OSBPL10: variants seen among roughly 807,000 people sequenced by gnomAD.
OSBPL10 encodes oxysterol-binding protein-related protein 10.
Under a neutral mutation model 81.7 loss-of-function variants are expected in OSBPL10, and 49 were observed. The ratio of observed to expected loss-of-function variants is 0.60; its 90% CI spans 0.48 to 0.76. The LOEUF is 0.76. Ranked by LOEUF, OSBPL10 falls within the 30% of genes least tolerant of loss-of-function variation. OSBPL10 has a pLI of 0.00. For synonymous variants in OSBPL10, 419 were observed against 383.6 expected, an observed-to-expected ratio of 1.09 and a Z score of -1.08; for missense variants, 923 against 987.8, an observed-to-expected ratio of 0.93 and a Z score of 0.88.
At chr3:31,774,090 A>T (rs1698468585) in intron 4 of OSBPL10, among the ~76,000 whole-genome samples, 1 of 148,860 alleles carries the variant, frequency 6.7e-6, no homozygotes, top group Non-Finnish European at 1.5e-5. Flanking sequence ...TGAACCTGGG[A>T]GGCGGAGGTT....
intron 4 of OSBPL10, among the ~76,000 whole-genome samples, chr3:31,801,829 T>TG (rs1699388673): frequency 1.6e-5 from 2 of 127,822 alleles, no homozygotes; most frequent in African/African-American, 8.8e-5. Context: ...TTTTTTGTTG[T>TG]TTTTTTTTTT....
chr3:31,973,567 C>G (rs1339105103), intron 1 of OSBPL10, among the ~76,000 whole-genome samples: 2 of 152,172 alleles, frequency 1.3e-5, no homozygotes, highest in African/African-American at 4.8e-5. Context: ...GTCATTTGGC[C>G]AAAAGGAGAC....
intron 3 of OSBPL10, among the ~76,000 whole-genome samples, chr3:31,854,761 A>C (rs72850562): frequency 0.016 from 2,416 of 152,284 alleles, 52 homozygotes; most frequent in African/African-American, 0.055. Context: ...TAAACACATA[A>C]ACACACATAA....
chr3:31,954,003 C>T (rs1279541890), intron 1 of OSBPL10, among the ~76,000 whole-genome samples: 2 of 152,222 alleles, frequency 1.3e-5, no homozygotes, highest in Admixed American at 6.5e-5. Context: ...TTGTTTCCAG[C>T]TCCAGTTGTT....
chr3:31,808,893 C>T (rs1164212147), intron 4 of OSBPL10, among the ~76,000 whole-genome samples: 6 of 152,206 alleles, frequency 3.9e-5, no homozygotes, highest in Non-Finnish European at 8.8e-5. Flanking sequence ...GAATATCATA[C>T]ACATGCAATA....
At chr3:31,681,271 C>T (rs77444181) in intron 8 of OSBPL10, among the ~76,000 whole-genome samples, 6,427 of 152,268 alleles carry the variant, frequency 0.042, 341 homozygotes, top group East Asian at 0.3. Context: ...AGGCCCAACA[C>T]GAATGCTGAG....
At chr3:31,750,346 G>A (rs1697672943) in intron 4 of OSBPL10, among the ~76,000 whole-genome samples, 1 of 152,132 alleles carries the variant, frequency 6.6e-6, no homozygotes, top group Non-Finnish European at 1.5e-5. Context: ...CATTATCTGT[G>A]TTGTCTGCTG....
chr3:31,712,909 C>T (rs1050146693), intron 6 of OSBPL10, among the ~76,000 whole-genome samples: 12 of 133,798 alleles, frequency 9.0e-5, no homozygotes, highest in African/African-American at 3.0e-4. Context: ...TGGCACCATC[C>T]TTGACTTTAA....
upstream of OSBPL10, among the ~76,000 whole-genome samples, chr3:31,984,026 TTTTTTGTTTTTG>T (rs369416472): frequency 6.0e-3 from 909 of 151,916 alleles, 2 homozygotes; most frequent in Non-Finnish European, 0.01. Context: ...CTAAGGGGTT[TTTTTTGTTTTTG>T]TTTTTGTTTT....
At chr3:32,001,966 A>C (rs1435682327) in intron 2 of OSBPL10, among the ~76,000 whole-genome samples, 1 of 152,206 alleles carries the variant, frequency 6.6e-6, no homozygotes, top group Non-Finnish European at 1.5e-5. Context: ...TTTTGAGATG[A>C]GGACACTGAG....
chr3:31,793,301 C>A (rs144708888), intron 4 of OSBPL10, among the ~76,000 whole-genome samples: 2 of 152,326 alleles, frequency 1.3e-5, no homozygotes, highest in Non-Finnish European at 2.9e-5. Flanking sequence ...TCAGCCACTG[C>A]AGCTTCCCTC....
chr3:32,031,132 C>G (rs1391788473), intron 2 of OSBPL10, among the ~76,000 whole-genome samples: 1 of 151,298 alleles, frequency 6.6e-6, no homozygotes, highest in Non-Finnish European at 1.5e-5. Flanking sequence ...ACACTGCACT[C>G]TAGCCTGGGC....
intron 8 of OSBPL10, among the ~76,000 whole-genome samples, chr3:31,671,737 A>G (rs891748876): frequency 2.0e-5 from 3 of 152,180 alleles, no homozygotes; most frequent in Non-Finnish European, 4.4e-5. Context: ...ATTCCTCTCA[A>G]AGCAATGCAG....
chr3:31,941,933 G>A (rs970908402), intron 1 of OSBPL10, among the ~76,000 whole-genome samples: 1 of 152,190 alleles, frequency 6.6e-6, no homozygotes, highest in African/African-American at 2.4e-5. Context: ...TCGGCTGGCT[G>A]CTGGTTACCA....
intron 1 of OSBPL10, among the ~76,000 whole-genome samples, chr3:31,905,208 G>C (rs1395659857): frequency 6.6e-6 from 1 of 152,082 alleles, no homozygotes; most frequent in Non-Finnish European, 1.5e-5. Context: ...AGGGGCATGA[G>C]TTTGTGATCA....
At chr3:31,663,966 C>T in intron 11 of OSBPL10, 113 bp downstream of exon 11, 1 of 1,609,966 alleles carries the variant, frequency 6.2e-7, no homozygotes, top group Non-Finnish European at 8.5e-7. Flanking sequence ...TAGTCCATCC[C>T]TTCCCCTGCC....
chr3:31,965,324 C>CGCACTACT lies in OSBPL10; in HGVS notation c.281+15567_281+15574dup, dbSNP rs545064570. On this transcript the variant is annotated intron_variant, in intron 1 of 11. Coordinates refer to ENST00000396556, the MANE Select transcript of OSBPL10 (RefSeq NM_017784.5). Reference sequence around the variant, plus strand: ...GGCAGAGCTTGCAGGGAGCTGAGATCGCACTACTGCACTCCAGCCTGGGTG... The same window carrying CGCACTACT: ...GGCAGAGCTTGCAGGGAGCTGAGATCGCACTACTGCACTACTGCACTCCAGCCTGGGTG... Among the ~76,000 whole-genome samples the CGCACTACT allele has an allele frequency of 1.2e-3, 166 of 141,762 alleles. No homozygotes were observed. In the Middle Eastern group the frequency reaches 0.04, roughly 35 times the overall value. 93.0% of individuals were successfully genotyped at this position (141,762 alleles called of 152,430 possible). A position where few individuals can be genotyped will look rare whatever the true frequency, so the allele number is the denominator to read the frequency against.
At chr3:31,830,863 G>A (rs1700223116) in intron 3 of OSBPL10, among the ~76,000 whole-genome samples, 1 of 152,148 alleles carries the variant, frequency 6.6e-6, no homozygotes, top group East Asian at 1.9e-4. Context: ...TTAGTCCAGT[G>A]TTTACATTTC....
chr3:31,980,804 C>T, intron 1 of OSBPL10, 95 bp downstream of exon 1: 1 of 1,351,490 alleles, frequency 7.4e-7, no homozygotes, highest in Non-Finnish European at 9.5e-7. Context: ...CAATCGCGCG[C>T]GCACACACAT....
Sources: allele counts gnomAD v4.1 joint callset (sites outside exome capture counted in the v4.1 genomes callset), GRCh38; gene constraint gnomAD v4.1.1; transcripts MANE v1.5; gene names NCBI Gene and HGNC (gene_info 2026-07-23, HGNC 2026-07-21).